TFAP4: variants seen among roughly 807,000 people sequenced by gnomAD.
TFAP4 encodes activating enhancer-binding protein 4.
TFAP4 carries 7 observed loss-of-function variants against 40.4 expected under a neutral mutation model. The ratio of observed to expected loss-of-function variants is 0.17; its 90% CI spans 0.10 to 0.33. The LOEUF is 0.33. TFAP4 is among the 10% of genes least tolerant of loss of function. TFAP4 has a pLI of 1.00. For synonymous variants in TFAP4, 218 were observed against 181.4 expected (o/e 1.20, Z -1.62); for missense variants, 374 against 451.1 (o/e 0.83, Z 1.55).
At chr16:4,270,562 T>G (rs2053032549) in intron 1 of TFAP4, among the ~76,000 whole-genome samples, 1 of 152,180 alleles carries the variant, frequency 6.6e-6, no homozygotes, top group Non-Finnish European at 1.5e-5. Flanking sequence ...AATGCACAGC[T>G]GACAACTGTC....
intron 1 of TFAP4, among the ~76,000 whole-genome samples, chr16:4,270,434 A>C (rs1450200140): frequency 6.6e-6 from 1 of 152,138 alleles, no homozygotes; most frequent in African/African-American, 2.4e-5. Context: ...TGAGAAGCAA[A>C]TGCATCTGGC....
At chr16:4,271,788 C>A (rs1365679789) in intron 1 of TFAP4, among the ~76,000 whole-genome samples, 1 of 152,182 alleles carries the variant, frequency 6.6e-6, no homozygotes, top group African/African-American at 2.4e-5. Flanking sequence ...GGTGTCCCTT[C>A]CCCAAATGGC....
In TFAP4 at chr16:4,260,116, G is replaced by T. The variant is rs1401725230; in HGVS notation, c.796C>A (p.Arg266=). Residue 266 remains arginine, a synonymous_variant, in exon 6 of 7, where the codon CGG becomes AGG. Transcript: ENST00000204517. ...TGCACGATGGTGTCCAGATTTTGCC[G>T]GGATGTGGAAACAGAGTTGATGACC... The part of the protein sequence containing the change: ...SSVINSVSTS[R]QNLDTIVQAI... The T allele has an allele frequency of 1.9e-6, 3 of 1,610,908 alleles. No homozygotes were observed. The highest frequency in any genetic ancestry group is 2.5e-6 in the Non-Finnish European group (3 of 1,179,104).
intron 1 of TFAP4, among the ~76,000 whole-genome samples, chr16:4,270,381 G>T (rs906833648): frequency 2.6e-5 from 4 of 152,156 alleles, no homozygotes; most frequent in African/African-American, 9.7e-5. Flanking sequence ...ATCCCTGCTG[G>T]TCACTGAGGG....
chr16:4,270,606 G>A (rs1392377495), intron 1 of TFAP4, among the ~76,000 whole-genome samples: 2 of 152,220 alleles, frequency 1.3e-5, no homozygotes, highest in Non-Finnish European at 2.9e-5. Flanking sequence ...AACCCTGGAC[G>A]AAGGCCCTAC....
rs1266976706 is a variant in TFAP4 at position 4,271,180 on chromosome 16, T to G, written c.89+1478A>C. 2.0e-5 allele frequency among the ~76,000 whole-genome samples: 3 copies of G among 152,080 alleles called. No homozygotes were observed. In the South Asian group the frequency reaches 6.2e-4, roughly 32 times the overall value. On this transcript the variant is annotated intron_variant, in intron 1 of 6. Transcript: ENST00000204517. ...TAGGTATTGACTGGGAACTTCAGAG[T>G]AGCCTTAAGGTGGGGACCCCCGGGG...
chr16:4,272,021 G>C (rs1222324155), intron 1 of TFAP4, among the ~76,000 whole-genome samples: 1 of 151,628 alleles, frequency 6.6e-6, no homozygotes, highest in Non-Finnish European at 1.5e-5. Flanking sequence ...GGGCGGGCGA[G>C]CGAGCGGCAG....
chr16:4,261,942 C>G lies in TFAP4; in HGVS notation c.362G>C (p.Ser121Thr). Residue 121 changes from serine (S) to threonine (T), a missense_variant, in exon 4 of 7, where the codon AGC becomes ACC. Physicochemically the swap from Ser to Thr is moderately conservative, Grantham distance 58. Coordinates refer to ENST00000204517, the MANE Select transcript of TFAP4 (RefSeq NM_003223.3). ...TQLKRFIQEL[S>T]GSSPKRRRAE... ...CCGCCGTCGCTTGGGGGACGAGCCGCTCAGCTCCTGGGGACCCCAAGGAGT... is the reference window on the plus strand; with the variant it reads ...CCGCCGTCGCTTGGGGGACGAGCCGGTCAGCTCCTGGGGACCCCAAGGAGT... 3.7e-6 allele frequency: 6 copies of G among 1,607,254 alleles called. No homozygotes were observed. The highest frequency in any genetic ancestry group is 5.1e-6 in the Non-Finnish European group (6 of 1,177,486).
intron 1 of TFAP4, chr16:4,268,043 C>G (rs1239318490): frequency 6.6e-6 from 1 of 152,350 alleles, no homozygotes; most frequent in Non-Finnish European, 1.5e-5. Context: ...AGCCTTGCCA[C>G]TTACTAGCTG....
chr16:4,260,229 G>GGGGGC lies in TFAP4; in HGVS notation c.682_683insGCCCC (p.Ala228GlyfsTer10). ...GATCACCGTGGGGTGGTGGGTGGGG[G>GGGGGC]CCGGAGGGGGCAGAAGCTGCAAGAC... On this transcript the variant is annotated frameshift_variant, in exon 6 of 7. Coordinates refer to ENST00000204517, the MANE Select transcript of TFAP4 (RefSeq NM_003223.3). LOFTEE classifies it high-confidence loss of function. 2.6e-6 allele frequency: 3 copies of GGGGGC among 1,170,512 alleles called. No individual in the cohort carries two copies. In the South Asian group the frequency reaches 4.1e-5, roughly 16 times the overall value. The allele number at this position is 1,170,512 out of a possible 1,614,324, so 72.5% of individuals were successfully genotyped here.
intron 6 of TFAP4, among the ~76,000 whole-genome samples, chr16:4,259,121 C>T (rs2141087967): frequency 6.6e-6 from 1 of 151,976 alleles, no homozygotes; most frequent in East Asian, 1.9e-4. Context: ...ATAATATGGA[C>T]CTTTCATATG....
chr16:4,272,096 C>T (rs2053044902), intron 1 of TFAP4, among the ~76,000 whole-genome samples: 1 of 151,158 alleles, frequency 6.6e-6, no homozygotes, highest in South Asian at 2.1e-4. Context: ...CGCCCACCCC[C>T]AACACCCACA....
intron 1 of TFAP4, chr16:4,264,437 C>T (rs1166815837): frequency 6.6e-6 from 1 of 152,412 alleles, no homozygotes; most frequent in African/African-American, 2.4e-5. Context: ...CTCCTTCCGT[C>T]CTCATCAAGC....
chr16:4,259,258 C>T (rs1025241097), intron 6 of TFAP4, among the ~76,000 whole-genome samples: 1 of 151,746 alleles, frequency 6.6e-6, no homozygotes, highest in Non-Finnish European at 1.5e-5. Context: ...CTCAGCCTCC[C>T]GAATAGCTGG....
chr16:4,266,764 A>G (rs943013200), intron 1 of TFAP4: 5 of 152,194 alleles, frequency 3.3e-5, no homozygotes, highest in Admixed American at 1.3e-4. Flanking sequence ...TAAGGTCTGT[A>G]AACGTCCTAC....
At chr16:4,263,864 G>C (rs1019199323) in intron 1 of TFAP4, 1 of 152,884 alleles carries the variant, frequency 6.5e-6, no homozygotes, top group African/African-American at 2.4e-5. Context: ...CAGCGGTTGT[G>C]GGCCCAAGGC....
chr16:4,263,027 C>T (rs568735558), intron 1 of TFAP4: 110 of 309,796 alleles, frequency 3.6e-4, no homozygotes, highest in African/African-American at 2.3e-3. Flanking sequence ...ATAAAATTAG[C>T]CAGGTGTGGT....
chr16:4,260,693 C>G (rs1363929209), intron 4 of TFAP4, 98 bp from the exon 5 acceptor site: 33 of 1,404,550 alleles, frequency 2.3e-5, no homozygotes, highest in African/African-American at 2.9e-5. Context: ...AAAACCCTAG[C>G]ACAGGGCGGG....
chr16:4,262,509 C>T (rs761166475), intron 2 of TFAP4, 27 bp downstream of exon 2: 2 of 1,612,876 alleles, frequency 1.2e-6, no homozygotes, highest in Non-Finnish European at 8.5e-7. Context: ...CCGGCTCCTC[C>T]AGGAAGCCCT....
Sources: allele counts gnomAD v4.1 joint callset (sites outside exome capture counted in the v4.1 genomes callset), GRCh38; gene constraint gnomAD v4.1.1; transcripts MANE v1.5; gene names NCBI Gene and HGNC (gene_info 2026-07-23, HGNC 2026-07-21).